The following DPH1 variants were observed in gnomAD, a reference collection of about 807,000 sequenced individuals.
DPH1 encodes the protein diphthamide biosynthesis 1.
A neutral mutation model predicts 55.3 loss-of-function variants in DPH1; 59 were observed. That is an observed-to-expected ratio of 1.07 (90% CI 0.87 to 1.33). The LOEUF (loss-of-function observed/expected upper bound fraction) is 1.33. Ranked by LOEUF, DPH1 falls within the 40% of genes most tolerant of loss-of-function variation. DPH1 has a pLI of 0.00. For missense variants in DPH1, 628 were observed against 584.8 expected, an observed-to-expected ratio of 1.07 and a Z score of -0.76; for synonymous variants, 238 against 235.5, an observed-to-expected ratio of 1.01 and a Z score of -0.10.
intron 1 of DPH1, 153 bp from the exon 2 acceptor site, chr17:2,033,352 T>G: frequency 8.9e-7 from 1 of 1,118,256 alleles, no homozygotes; most frequent in Non-Finnish European, 1.3e-6. Flanking sequence ...TAGGGCTAGC[T>G]AAGATGCCTG....
chr17:2,041,282 A>G, intron 10 of DPH1, 101 bp downstream of exon 10: 1 of 1,487,280 alleles, frequency 6.7e-7, no homozygotes, highest in African/African-American at 1.4e-5. Flanking sequence ...TTATGTTCGT[A>G]GATTCCGGAG....
intron 9 of DPH1, 155 bp from the exon 10 acceptor site, chr17:2,040,948 C>T: frequency 1.3e-6 from 1 of 760,988 alleles, no homozygotes; most frequent in South Asian, 1.6e-5. Flanking sequence ...CGCAACAATA[C>T]AGTATTCCAA....
intron 7 of DPH1, 31 bp from the exon 8 acceptor site, chr17:2,040,187 G>A: frequency 6.2e-7 from 1 of 1,611,318 alleles, no homozygotes; most frequent in Non-Finnish European, 8.5e-7. Flanking sequence ...GACAGTGGCT[G>A]CCACAGTGAC....
chr17:2,041,972 G>C (rs2067538246), intron 12 of DPH1, 97 bp downstream of exon 12: 2 of 1,497,818 alleles, frequency 1.3e-6, no homozygotes, highest in Non-Finnish European at 1.8e-6. Context: ...GCTGACGTTC[G>C]GTTCCGCCCC....
Position 2,036,297 on chromosome 17 carries a change from G to A in DPH1, c.400+206G>A. 1 of 1,113,972 alleles carries A rather than the reference G, an allele frequency of 9.0e-7. No individual in the cohort carries two copies. The highest frequency in any genetic ancestry group is 2.8e-5 in the Admixed American group (1 of 35,250). 69.0% of individuals were successfully genotyped at this position (1,113,972 alleles called of 1,614,324 possible). ...TTGGCAACGGTGCTCTGTCCCAGAT[G>A]CAGGTGTTTGAAAGGCTGTTGGTTG... On this transcript the variant is annotated intron_variant, in intron 4 of 12. Coordinates refer to ENST00000263083, the MANE Select transcript of DPH1 (RefSeq NM_001383.6). The surrounding 1 kb of genome is among the most constrained non-coding windows in gnomAD (Gnocchi z 4.8).
chr17:2,039,895 G>T (rs927697736), intron 7 of DPH1, 72 bp downstream of exon 7: 45 of 1,601,130 alleles, frequency 2.8e-5, no homozygotes, highest in African/African-American at 4.0e-5. Flanking sequence ...GTCCTCAATT[G>T]GTTGCATCCC....
chr17:2,041,690 C>CGGGAAACGCACAGGAGCGGAGCGGA (rs2067527944), intron 11 of DPH1, 69 bp downstream of exon 11: 1 of 1,577,250 alleles, frequency 6.3e-7, no homozygotes, highest in Non-Finnish European at 8.6e-7. Context: ...GCGACCGCGA[C>CGGGAAACGCACAGGAGCGGAGCGGA]GGGAAACGCA....
chr17:2,041,573 C>T lies in DPH1; in HGVS notation c.1179C>T (p.His393=), dbSNP rs1472019293. 1.2e-6 allele frequency: 2 copies of T among 1,610,608 alleles called. No individual in the cohort carries two copies. Among genetic ancestry groups the T allele is most frequent in the South Asian group, 1.1e-5 (1 of 90,972 alleles). ...GSSLGPWTVN[H]GQDRRPHAPG... is the part of the protein sequence containing the mutation. ...CCTTGGGGCCCTGGACGGTGAACCA[C>T]GGCCAGGACCGCCGTCCCCACGCCC... Residue 393 remains histidine, a synonymous_variant, in exon 11 of 13, where the codon CAC becomes CAT. Transcript: ENST00000263083.
intron 2 of DPH1, 39 bp from the exon 3 acceptor site, chr17:2,033,740 C>G (rs758934558): frequency 3.7e-6 from 6 of 1,614,062 alleles, no homozygotes; most frequent in Non-Finnish European, 5.1e-6. Flanking sequence ...GCAGCCCCTT[C>G]CTAGCCCTCC....
intron 9 of DPH1, chr17:2,040,869 T>C (rs1270294565): frequency 1.6e-6 from 1 of 630,552 alleles, no homozygotes; most frequent in Non-Finnish European, 2.8e-6. Context: ...TAAATGTGGT[T>C]CTGGGGATAC....
chr17:2,042,407 G>A, intron 12 of DPH1, 198 bp from the exon 13 acceptor site: 4 of 1,256,644 alleles, frequency 3.2e-6, no homozygotes, highest in Non-Finnish European at 4.2e-6. Context: ...GTCCTCCCAG[G>A]CTTCCGCCTT....
Position 2,036,580 on chromosome 17 carries a change from A to C in DPH1, c.452A>C (p.Asp151Ala). The change falls in exon 5 of 13, where the codon GAC (aspartate) becomes GCC (alanine). Residue 151 changes from aspartate to alanine, a missense_variant. Physicochemically the swap from Asp to Ala is moderately radical, Grantham distance 126 (BLOSUM62 -2). Transcript: ENST00000263083. The surrounding 1 kb of genome is among the most constrained non-coding windows in gnomAD (Gnocchi z 4.8). The part of the protein sequence containing the change: ...QDFRVLYVFV[D>A]IRIDTTHLLD... ...TTCCGGGTGCTGTACGTCTTTGTGG[A>C]CATCCGGATAGACACTACACACCTC... 1 of 1,613,966 alleles carries C rather than the reference A, an allele frequency of 6.2e-7. No individual in the cohort carries two copies. Among genetic ancestry groups the C allele is most frequent in the Non-Finnish European group, 8.5e-7 (1 of 1,179,982 alleles).
chr17:2,030,300 C>G (rs901107269), intron 1 of DPH1, 70 bp downstream of exon 1: 1 of 1,465,664 alleles, frequency 6.8e-7, no homozygotes, highest in Admixed American at 2.6e-5. Context: ...AGGGACAGGA[C>G]CAACCCCCTT....
intron 3 of DPH1, 69 bp from the exon 4 acceptor site, chr17:2,035,901 C>G: frequency 6.3e-7 from 1 of 1,595,892 alleles, no homozygotes; most frequent in Non-Finnish European, 8.6e-7. Context: ...GACACCCTCC[C>G]AGGGTTGGGT....
chr17:2,033,961 C>A, intron 3 of DPH1, 119 bp downstream of exon 3: 1 of 1,132,182 alleles, frequency 8.8e-7, no homozygotes, highest in Non-Finnish European at 1.3e-6. Flanking sequence ...CTCCACCTTC[C>A]CCCTTTCCCT....
In DPH1 at chr17:2,041,128, C is replaced by T. The variant is rs2067513779; in HGVS notation, c.1033C>T (p.Leu345Phe). 5.0e-6 allele frequency: 8 copies of T among 1,605,042 alleles called. 1 individual carries two copies. Among genetic ancestry groups the T allele is most frequent in the South Asian group, 3.4e-5 (3 of 89,376 alleles). ...GTGGGTGCAGGTGGCATGTCCACGT[C>T]TCTCCATTGACTGGGGCACAGCCTT... ...DVWVQVACPR[L>F]SIDWGTAFPK... The change falls in exon 10 of 13, where the codon CTC becomes TTC. Residue 345 changes from leucine to phenylalanine, a missense_variant. Coordinates refer to ENST00000263083, the MANE Select transcript of DPH1 (RefSeq NM_001383.6).
intron 6 of DPH1, chr17:2,038,929 G>A (rs950168960): frequency 2.0e-5 from 3 of 152,202 alleles, no homozygotes; most frequent in Admixed American, 6.5e-5. Flanking sequence ...TATGTAAATA[G>A]AGGGACCGTA....
rs2067526362 is a variant in DPH1 at position 2,041,637 on chromosome 17, C to T, written c.1227+16C>T. 1 of 1,599,354 alleles carries T rather than the reference C, an allele frequency of 6.3e-7. No homozygotes were observed. The highest frequency in any genetic ancestry group is 2.3e-5 in the East Asian group (1 of 44,304). ...GCGGGGGAAGGTAGGCGGGGGCTTC[C>T]AGGAGGGAGGAGAGACCGCGCCTGG... On this transcript the variant is annotated intron_variant, in intron 11 of 12. Coordinates refer to ENST00000263083, the MANE Select transcript of DPH1 (RefSeq NM_001383.6).
chr17:2,042,784 G>A lies in DPH1; in HGVS notation c.*198G>A. 1 of 1,612,708 alleles carries A rather than the reference G, an allele frequency of 6.2e-7. No individual in the cohort carries two copies. The highest frequency in any genetic ancestry group is 1.3e-5 in the African/African-American group (1 of 74,860). On this transcript the variant is annotated 3_prime_UTR_variant, in exon 13 of 13. Coordinates refer to ENST00000263083, the MANE Select transcript of DPH1 (RefSeq NM_001383.6). ...CGGCCTTCTTGGTTTCAGCCAAGGG[G>A]CTGCGCTAGCAGCCCTTGTGTGTGC...
Sources: gnomAD v4.1 joint callset for allele counts on GRCh38, gnomAD v4.1.1 for gene constraint, Gnocchi (gnomAD v3.1) non-coding constraint, MANE v1.5 for transcripts, NCBI Gene and HGNC (gene_info 2026-07-23, HGNC 2026-07-21) for gene names.